DCAF7: variants seen among roughly 807,000 people sequenced by gnomAD.
DCAF7 encodes the protein DDB1 and CUL4 associated factor 7.
A neutral mutation model predicts 41.2 loss-of-function variants in DCAF7; 4 were observed. The observed-to-expected ratio is 0.10, with a 90% confidence interval of 0.05 to 0.22. The LOEUF is 0.22. Among genes scored for constraint, DCAF7 ranks in the 10% least tolerant of loss-of-function variants. The pLI is 1.00. For synonymous variants in DCAF7, 143 were observed against 164.2 expected (o/e 0.87, Z 0.99); for missense variants, 131 against 443.2 (o/e 0.30, Z 6.32).
chr17:63,569,299 A>G (rs1358039819), intron 1 of DCAF7, among the ~76,000 whole-genome samples: 4 of 151,454 alleles, frequency 2.6e-5, no homozygotes, highest in African/African-American at 7.3e-5. Context: ...GATGTCCTCT[A>G]GGGTGTCCCC....
intron 1 of DCAF7, among the ~76,000 whole-genome samples, chr17:63,576,986 T>C (rs892537624): frequency 2.5e-4 from 38 of 152,224 alleles, no homozygotes; most frequent in Non-Finnish European, 5.3e-4. Flanking sequence ...AAGCAACTAC[T>C]GATACACACA....
At chr17:63,575,986 A>C (rs1026773112) in intron 1 of DCAF7, among the ~76,000 whole-genome samples, 4 of 152,258 alleles carry the variant, frequency 2.6e-5, no homozygotes, top group Non-Finnish European at 5.9e-5. Flanking sequence ...CAGTTTGCCT[A>C]CTAGCAGACA....
intron 1 of DCAF7, 130 bp from the exon 2 acceptor site, chr17:63,578,340 G>T: frequency 1.5e-6 from 2 of 1,314,608 alleles, no homozygotes; most frequent in Non-Finnish European, 2.1e-6. Flanking sequence ...CTCCAGCCTG[G>T]GCAACAGAGC....
At chr17:63,573,383 G>C (rs1270402209) in intron 1 of DCAF7, 1 of 152,042 alleles carries the variant, frequency 6.6e-6, no homozygotes, top group Non-Finnish European at 1.5e-5. Context: ...CCTCCACAAA[G>C]GCTGATACCA....
At position 63,591,795 on chromosome 17, in the gene DCAF7, A is replaced by G. The variant is rs1294427091; in HGVS notation, c.*2623A>G. On this transcript the variant is annotated 3_prime_UTR_variant, in exon 7 of 7. Transcript: ENST00000614556. ...GGAGGCCCTGGATCTGTTCTCCCTGACTGCGGGAGGAGCAGCCACTAGGAC... is the reference window on the plus strand; with the variant it reads ...GGAGGCCCTGGATCTGTTCTCCCTGGCTGCGGGAGGAGCAGCCACTAGGAC... 2.0e-5 allele frequency: 3 copies of G among 152,286 alleles called. No homozygotes were observed. Among genetic ancestry groups the G allele is most frequent in the Non-Finnish European group, 4.4e-5 (3 of 68,082 alleles). The allele number at this position is 152,286 out of a possible 1,614,324, so 9.4% of individuals were successfully genotyped here.
chr17:63,556,736 G>A (rs1440563427), intron 1 of DCAF7, among the ~76,000 whole-genome samples: 1 of 148,750 alleles, frequency 6.7e-6, no homozygotes, highest in East Asian at 2.0e-4. Flanking sequence ...ATGTGGTGGT[G>A]CGTGCCTGTA....
rs534493475 is a variant in DCAF7, at chr17:63,578,761, T to C, written c.297+133T>C. ...GCAGCACAGGAGAAGCAAGCGAAGC[T>C]TAAATGGACTGGCCTCGTTTGGCTC... On this transcript the variant is annotated intron_variant, in intron 2 of 6. Transcript: ENST00000614556. 2.6e-5 allele frequency: 33 copies of C among 1,254,816 alleles called. No homozygotes were observed. In the South Asian group the frequency reaches 4.3e-4, roughly 16 times the overall value. 77.7% of individuals were successfully genotyped at this position (1,254,816 alleles called of 1,614,324 possible).
chr17:63,560,609 A>G (rs895883112), intron 1 of DCAF7, among the ~76,000 whole-genome samples: 14 of 152,222 alleles, frequency 9.2e-5, no homozygotes, highest in Non-Finnish European at 1.8e-4. Context: ...CAAGAAATTG[A>G]TAACATTGAT....
In DCAF7 at chr17:63,550,827, AG is replaced by A; in HGVS notation, c.138+16del. 2 of 1,611,838 alleles carry A rather than the reference AG, an allele frequency of 1.2e-6. No homozygotes were observed. The highest frequency in any genetic ancestry group is 1.7e-6 in the Non-Finnish European group (2 of 1,178,846). ...AGTACAACAACAAGGTGGGCCGGGC[AG>A]GGGCTCGGAACCCAGCTGGCGGGGA... On this transcript the variant is annotated intron_variant, in intron 1 of 6. Coordinates refer to ENST00000614556, the MANE Select transcript of DCAF7 (RefSeq NM_005828.5). This position sits in a 1 kb window ranked among gnomAD's most constrained non-coding sequence, Gnocchi z 4.8.
chr17:63,582,689 T>C (rs778705850), intron 4 of DCAF7, among the ~76,000 whole-genome samples: 3 of 152,170 alleles, frequency 2.0e-5, no homozygotes, highest in Admixed American at 2.0e-4. Flanking sequence ...CCGGATGGTC[T>C]TGATCTCTTG....
At chr17:63,582,432 TTGTC>T (rs769898382) in intron 4 of DCAF7, among the ~76,000 whole-genome samples, 5 of 151,944 alleles carry the variant, frequency 3.3e-5, no homozygotes, top group Non-Finnish European at 7.4e-5. Flanking sequence ...CTCTCTCTAT[TTGTC>T]TGTCTCTGGC....
At chr17:63,563,863 G>A (rs564116307) in intron 1 of DCAF7, among the ~76,000 whole-genome samples, 97 of 151,624 alleles carry the variant, frequency 6.4e-4, no homozygotes, top group African/African-American at 2.2e-3. Flanking sequence ...AATAAGTAGC[G>A]GCAAGTAAGA....
At chr17:63,585,465 C>A in intron 6 of DCAF7, 137 bp downstream of exon 6, 1 of 747,246 alleles carries the variant, frequency 1.3e-6, no homozygotes, top group Non-Finnish European at 2.2e-6. Flanking sequence ...GGAGCCTCTC[C>A]ACACTTGTGA....
rs1016898027 is a variant in DCAF7 at position 63,583,857 on chromosome 17, A to C, written c.738+146A>C. The C allele has an allele frequency of 6.0e-6, 5 of 826,846 alleles. No individual in the cohort carries two copies. The African/African-American group carries it at 8.4e-5, about 14-fold the overall frequency. 51.2% of individuals were successfully genotyped at this position (826,846 alleles called of 1,614,324 possible). On this transcript the variant is annotated intron_variant, in intron 5 of 6. Transcript: ENST00000614556. ...AGGCATTTTTGATTGTCACAGCTCTAGAGACGCAGTTGGTACTATGGCATC... is the reference window on the plus strand; with the variant it reads ...AGGCATTTTTGATTGTCACAGCTCTCGAGACGCAGTTGGTACTATGGCATC...
chr17:63,567,976 T>G (rs1410553154), intron 1 of DCAF7, among the ~76,000 whole-genome samples: 1 of 152,062 alleles, frequency 6.6e-6, no homozygotes, highest in East Asian at 1.9e-4. Context: ...GGCATCCTTC[T>G]TAAATATAGC....
intron 1 of DCAF7, among the ~76,000 whole-genome samples, chr17:63,557,896 G>T (rs558976414): frequency 6.6e-6 from 1 of 151,946 alleles, no homozygotes; most frequent in Non-Finnish European, 1.5e-5. Flanking sequence ...CTTATTTTTC[G>T]TGTGTTTTGT....
At chr17:63,576,623 A>G (rs1301490182) in intron 1 of DCAF7, among the ~76,000 whole-genome samples, 1 of 151,746 alleles carries the variant, frequency 6.6e-6, no homozygotes, top group Non-Finnish European at 1.5e-5. Flanking sequence ...CAACTAGGAC[A>G]TAAAAAATTT....
intron 1 of DCAF7, among the ~76,000 whole-genome samples, chr17:63,564,136 T>TACACACACACACACACACACACAC (rs369218596): frequency 1.4e-5 from 2 of 148,088 alleles, no homozygotes; most frequent in Middle Eastern, 3.4e-3. Context: ...GTTAACTTTA[T>TACACACACACACACACACACACAC]ACACACACAC....
chr17:63,592,520 T>G lies in DCAF7; in HGVS notation c.*3348T>G, dbSNP rs916975004. ...AAAAATTCAGAATCCTACAAGGTTTTGATGACAATTAGGGCCAAAATTTTA... is the reference window on the plus strand; with the variant it reads ...AAAAATTCAGAATCCTACAAGGTTTGGATGACAATTAGGGCCAAAATTTTA... On this transcript the variant is annotated 3_prime_UTR_variant, in exon 7 of 7. Transcript: ENST00000614556. 2 of 152,192 alleles carry G rather than the reference T, an allele frequency of 1.3e-5. No individual in the cohort carries two copies. The highest frequency in any genetic ancestry group is 2.9e-5 in the Non-Finnish European group (2 of 68,042). 9.4% of individuals were successfully genotyped at this position (152,192 alleles called of 1,614,324 possible).
Sources: allele counts gnomAD v4.1 joint callset (sites outside exome capture counted in the v4.1 genomes callset), GRCh38; gene constraint gnomAD v4.1.1; non-coding constraint Gnocchi (gnomAD v3.1); transcripts MANE v1.5; gene names NCBI Gene and HGNC (gene_info 2026-07-23, HGNC 2026-07-21).